Variants in C1QTNF8 observed in about 807,000 individuals in gnomAD.
The protein encoded by C1QTNF8 is complement C1q tumor necrosis factor-related protein 8.
A neutral mutation model predicts 19.2 loss-of-function variants in C1QTNF8; 27 were observed. That is an observed-to-expected ratio of 1.41 (90% CI 1.04 to 1.94). C1QTNF8 has a LOEUF of 1.94. Ranked by LOEUF, C1QTNF8 falls within the 30% of genes most tolerant of loss-of-function variation. The pLI, the probability that C1QTNF8 is intolerant of heterozygous loss-of-function variation, is 0.00. For missense variants in C1QTNF8, 484 were observed against 374.4 expected (o/e 1.29, Z -2.42); for synonymous variants, 208 against 172.8 (o/e 1.20, Z -1.60).
chr16:1,089,559 G>A lies in C1QTNF8; in HGVS notation c.*1040C>T, dbSNP rs1490948345. ...CGACAGGCAGAGCTGGCAGGGACACGGGCTCTGTGTGGGGTGGGCGGGACG... is the reference window on the plus strand; with the variant it reads ...CGACAGGCAGAGCTGGCAGGGACACAGGCTCTGTGTGGGGTGGGCGGGACG... On this transcript the variant is annotated 3_prime_UTR_variant, in exon 5 of 5. Coordinates refer to ENST00000328449, the MANE Select transcript of C1QTNF8 (RefSeq NM_207419.3). Among the ~76,000 whole-genome samples, 2 of 152,230 alleles carry A rather than the reference G, an allele frequency of 1.3e-5. No individual in the cohort carries two copies. Among genetic ancestry groups the A allele is most frequent in the African/African-American group, 4.8e-5 (2 of 41,468 alleles).
Position 1,093,546 on chromosome 16 carries a change from G to A in C1QTNF8, c.714C>T (p.Tyr238=), listed in dbSNP as rs1160131960. ...NAIYGEHGDL[Y]ITFSGHLVKP... ...TGACCAGGTGGCCGCTGAAGGTGAT[G>A]TAGAGGTCTCCGTGCTCGCCGTAGA... The change falls in exon 4 of 5, where the codon TAC becomes TAT. Residue 238 remains tyrosine, a synonymous_variant. Coordinates refer to ENST00000328449, the MANE Select transcript of C1QTNF8 (RefSeq NM_207419.3). The A allele has an allele frequency of 1.9e-6, 3 of 1,584,682 alleles. No individual in the cohort carries two copies. Among genetic ancestry groups the A allele is most frequent in the Non-Finnish European group, 2.6e-6 (3 of 1,163,494 alleles).
At position 1,093,936 on chromosome 16, in the gene C1QTNF8, C is replaced by T. The variant is rs778170153; in HGVS notation, c.324G>A (p.Pro108=). The change falls in exon 4 of 5, where the codon CCG becomes CCA. Residue 108 remains proline (P), a synonymous_variant. Coordinates refer to ENST00000328449, the MANE Select transcript of C1QTNF8 (RefSeq NM_207419.3). ...CGTAGGCACGTCGGCACGCGGCGCC[C>T]GGCGGCCCCACCTGCCCCTTCTGGC... ...RRGQKGQVGP[P]GAACRRAYAA... 2 of 1,500,136 alleles carry T rather than the reference C, an allele frequency of 1.3e-6. No individual in the cohort carries two copies. Among genetic ancestry groups the T allele is most frequent in the Admixed American group, 2.3e-5 (1 of 43,692 alleles). 92.9% of individuals were successfully genotyped at this position (1,500,136 alleles called of 1,614,324 possible).
chr16:1,093,514 G>T lies in C1QTNF8; in HGVS notation c.746C>A (p.Ala249Asp), dbSNP rs775023490. 4.6e-6 allele frequency: 7 copies of T among 1,535,094 alleles called. No individual in the cohort carries two copies. The African/African-American group carries it at 8.3e-5, about 18-fold the overall frequency. ...CCCCTCACCCGGCTACAGCTCGGCG[G>T]CCGGCTTGACCAGGTGGCCGCTGAA... ...ITFSGHLVKP[A>D]AEL is the part of the protein sequence containing the mutation. Residue 249 changes from alanine to aspartate, a missense_variant, in exon 4 of 5, where the codon GCC (alanine) becomes GAC (aspartate). Ala to Asp is a moderately radical substitution (Grantham distance 126). Transcript: ENST00000328449.
chr16:1,093,979 C>T lies in C1QTNF8; in HGVS notation c.281G>A (p.Gly94Asp), dbSNP rs1282908093. 2 of 1,462,168 alleles carry T rather than the reference C, an allele frequency of 1.4e-6. No individual in the cohort carries two copies. The highest frequency in any genetic ancestry group is 2.7e-5 in the East Asian group (1 of 36,462). 90.6% of individuals were successfully genotyped at this position (1,462,168 alleles called of 1,614,324 possible). A position where few individuals can be genotyped will look rare whatever the true frequency, so the allele number is the denominator to read the frequency against. Residue 94 changes from glycine to aspartate, a missense_variant, in exon 4 of 5, where the codon GGC becomes GAC. Gly to Asp is a moderately conservative substitution (Grantham distance 94). Coordinates refer to ENST00000328449, the MANE Select transcript of C1QTNF8 (RefSeq NM_207419.3). Reference protein sequence around the residue: ...SGKEGPPGARGLQGRRGQKGQ... With the variant: ...SGKEGPPGARDLQGRRGQKGQ... ...CTTCTGGCCTCTGCGGCCCTGCAGG[C>T]CCCGGGCGCCTGGCGGCCCCTCTTT...
At position 1,089,680 on chromosome 16, in the gene C1QTNF8, CCTG is replaced by C. The variant is rs1174337300; in HGVS notation, c.*916_*918del. Reference sequence around the variant, plus strand: ...GCTCCCCAGAGTGCTGACCAGGCGCCCTGCTGCTGCAGCCAGGACCAGGCTGTG... The same window carrying C: ...GCTCCCCAGAGTGCTGACCAGGCGCCCTGCTGCAGCCAGGACCAGGCTGTG... On this transcript the variant is annotated 3_prime_UTR_variant, in exon 5 of 5. Transcript: ENST00000328449. Among the ~76,000 whole-genome samples, 1 of 152,194 alleles carries C rather than the reference CCTG, an allele frequency of 6.6e-6. No homozygotes were observed. The highest frequency in any genetic ancestry group is 1.5e-5 in the Non-Finnish European group (1 of 68,026).
rs774666718 is a variant in C1QTNF8 at position 1,093,727 on chromosome 16, G to A, written c.533C>T (p.Thr178Ile). The A allele has an allele frequency of 4.3e-6, 7 of 1,611,970 alleles. No individual in the cohort carries two copies. The highest frequency in any genetic ancestry group is 5.9e-6 in the Non-Finnish European group (7 of 1,179,564). The change falls in exon 4 of 5, where the codon ACC (threonine) becomes ATC (isoleucine). Residue 178 changes from threonine (T) to isoleucine (I), a missense_variant. Coordinates refer to ENST00000328449, the MANE Select transcript of C1QTNF8 (RefSeq NM_207419.3). The part of the protein sequence containing the change: ...LNVHTWNYKE[T>I]YLHIMLNRRP... ...CCGGTTCAGCATGATGTGCAGGTAG[G>A]TCTCCTTGTAGTTCCAGGTGTGCAC... is the stretch of plus-strand genomic sequence containing the variant.
intron 2 of C1QTNF8, among the ~76,000 whole-genome samples, chr16:1,095,258 C>T (rs1016161899): frequency 2.6e-5 from 4 of 152,338 alleles, no homozygotes; most frequent in Admixed American, 6.5e-5. Flanking sequence ...AACTCAGGAG[C>T]GGGTAGCCGC....
Position 1,088,649 on chromosome 16 carries a change from G to C in C1QTNF8, c.*1950C>G, listed in dbSNP as rs921146344. Among the ~76,000 whole-genome samples the C allele has an allele frequency of 6.6e-6, 1 of 152,228 alleles. No homozygotes were observed. Among genetic ancestry groups the C allele is most frequent in the Non-Finnish European group, 1.5e-5 (1 of 68,022 alleles). On this transcript the variant is annotated 3_prime_UTR_variant, in exon 5 of 5. Transcript: ENST00000328449. Reference sequence around the variant, plus strand: ...AAACAAATAAACCTGGAAGGTTGGCGGGATGCAGGTCCTGCTGTCTGAGGC... The same window carrying C: ...AAACAAATAAACCTGGAAGGTTGGCCGGATGCAGGTCCTGCTGTCTGAGGC...
Position 1,094,972 on chromosome 16 carries a change from T to C in C1QTNF8, c.-11-39A>G, listed in dbSNP as rs1465710808. The C allele has an allele frequency of 5.3e-6, 5 of 938,912 alleles. No homozygotes were observed. The South Asian group carries it at 1.7e-4, about 32-fold the overall frequency. 58.2% of individuals were successfully genotyped at this position (938,912 alleles called of 1,614,324 possible). A position where few individuals can be genotyped will look rare whatever the true frequency, so the allele number is the denominator to read the frequency against. ...AAGAGGGGAGGGACTGAGAAGGAGG[T>C]GCCCCAGCTGGAGCCCCCAGACCCT... On this transcript the variant is annotated intron_variant, in intron 2 of 4. Transcript: ENST00000328449.
At chr16:1,096,263 C>A (rs756330794), upstream of C1QTNF8, 2 of 152,066 alleles carry the variant, frequency 1.3e-5, no homozygotes, top group Non-Finnish European at 2.9e-5. Context: ...AGCAACAGGC[C>A]GAGAGGCCAG....
At chr16:1,091,446 G>C (rs1960542367) in intron 4 of C1QTNF8, among the ~76,000 whole-genome samples, 1 of 152,146 alleles carries the variant, frequency 6.6e-6, no homozygotes, top group South Asian at 2.1e-4. Flanking sequence ...AGGTCAGGTG[G>C]AGGTGGTTCC....
At chr16:1,092,627 C>T (rs1483526845) in intron 4 of C1QTNF8, among the ~76,000 whole-genome samples, 4 of 121,366 alleles carry the variant, frequency 3.3e-5, no homozygotes, top group African/African-American at 1.4e-4. Flanking sequence ...ACACAGTCGG[C>T]GCTCAACCAA....
At chr16:1,092,443 C>G (rs1432862005) in intron 4 of C1QTNF8, among the ~76,000 whole-genome samples, 1 of 149,998 alleles carries the variant, frequency 6.7e-6, no homozygotes, top group Non-Finnish European at 1.5e-5. Flanking sequence ...CTCAACCAAT[C>G]ACAGCACACA....
At position 1,093,454 on chromosome 16, in the gene C1QTNF8, A is replaced by ACGCGCGCG. The variant is rs768236099; in HGVS notation, c.*4+42_*4+43insCGCGCGCG. 3.1e-3 allele frequency: 3,770 copies of ACGCGCGCG among 1,207,598 alleles called. 101 individuals are homozygous for ACGCGCGCG. In the African/African-American group the frequency reaches 0.049, roughly 16 times the overall value. The allele number at this position is 1,207,598 out of a possible 1,614,324, so 74.8% of individuals were successfully genotyped here. On this transcript the variant is annotated intron_variant, in intron 4 of 4. Coordinates refer to ENST00000328449, the MANE Select transcript of C1QTNF8 (RefSeq NM_207419.3). Reference sequence around the variant, plus strand: ...CACACACACACACAGACACACACACACACGCGCGCGCGCGCCCGGTGCTCA... The same window carrying ACGCGCGCG: ...CACACACACACACAGACACACACACACGCGCGCGCACGCGCGCGCGCGCCCGGTGCTCA...
Position 1,089,004 on chromosome 16 carries a change from C to T in C1QTNF8, c.*1595G>A, listed in dbSNP as rs762175073. Among the ~76,000 whole-genome samples, 5 of 152,118 alleles carry T rather than the reference C, an allele frequency of 3.3e-5. No individual in the cohort carries two copies. The highest frequency in any genetic ancestry group is 4.8e-5 in the African/African-American group (2 of 41,432). ...CCTGGTGCAGGGGCTGGCGTCTTCC[C>T]GGGACTCTCTTCCTCAGGACCACCT... On this transcript the variant is annotated 3_prime_UTR_variant, in exon 5 of 5. Transcript: ENST00000328449.
rs867862385 is a variant in C1QTNF8, at chr16:1,088,783, C to A, written c.*1816G>T. 2.6e-4 allele frequency among the ~76,000 whole-genome samples: 40 copies of A among 152,124 alleles called. No individual in the cohort carries two copies. The highest frequency in any genetic ancestry group is 2.1e-3 in the South Asian group (10 of 4,832). On this transcript the variant is annotated 3_prime_UTR_variant, in exon 5 of 5. Transcript: ENST00000328449. The stretch of plus-strand genomic sequence containing the variant: ...AGACCTTGCACCCCTGCCCGCCTGA[C>A]CCCTGCTGCAGCCCGACCCCTGCCC...
Position 1,089,894 on chromosome 16 carries a change from G to A in C1QTNF8, c.*705C>T, listed in dbSNP as rs761285838. On this transcript the variant is annotated 3_prime_UTR_variant, in exon 5 of 5. Coordinates refer to ENST00000328449, the MANE Select transcript of C1QTNF8 (RefSeq NM_207419.3). ...CAAGGCCCCGTGAGTGCCCGGAGAT[G>A]GCTCCGACCCCTGCCGGTTGCCGGG... 2.6e-5 allele frequency: 4 copies of A among 152,300 alleles called. No homozygotes were observed. Among genetic ancestry groups the A allele is most frequent in the Non-Finnish European group, 5.9e-5 (4 of 68,092 alleles). 9.4% of individuals were successfully genotyped at this position (152,300 alleles called of 1,614,324 possible).
At chr16:1,093,400 C>CCACACA (rs1416044863) in intron 4 of C1QTNF8, 97 bp downstream of exon 4, 1 of 597,272 alleles carries the variant, frequency 1.7e-6, no homozygotes, top group African/African-American at 2.3e-5. Context: ...CCACACCCAC[C>CCACACA]CACACACACA....
chr16:1,091,295 C>G (rs990921733), intron 4 of C1QTNF8, among the ~76,000 whole-genome samples: 2 of 152,160 alleles, frequency 1.3e-5, no homozygotes, highest in Non-Finnish European at 1.5e-5. Context: ...GTGAGGGTTC[C>G]AGGCAGCATG....
Sources: allele counts gnomAD v4.1 joint callset (sites outside exome capture counted in the v4.1 genomes callset), GRCh38; gene constraint gnomAD v4.1.1; transcripts MANE v1.5; gene names NCBI Gene and HGNC (gene_info 2026-07-23, HGNC 2026-07-21).